MYH10: variants seen among roughly 807,000 people sequenced by gnomAD.
MYH10 encodes myosin heavy chain 10.
Under a neutral mutation model 257.8 loss-of-function variants are expected in MYH10, and 55 were observed. The observed-to-expected ratio is 0.21, with a 90% CI of 0.17 to 0.27. The LOEUF (loss-of-function observed/expected upper bound fraction) is 0.27. Ranked by LOEUF, MYH10 falls within the 10% of genes least tolerant of loss-of-function variation. MYH10 has a pLI of 1.00. For synonymous variants in MYH10, 854 were observed against 921.7 expected (o/e 0.93, Z 1.33); for missense variants, 1,631 against 2,500.6 (o/e 0.65, Z 7.42).
At chr17:8,629,282 A>T (rs2152117524) in intron 1 of MYH10, among the ~76,000 whole-genome samples, 1 of 152,310 alleles carries the variant, frequency 6.6e-6, no homozygotes, top group East Asian at 1.9e-4. Flanking sequence ...TATTCAGCGA[A>T]AACAGCAGTC....
At chr17:8,493,639 C>G (rs888763737) in intron 32 of MYH10, 94 bp downstream of exon 32, 5 of 1,411,884 alleles carry the variant, frequency 3.5e-6, no homozygotes, top group Non-Finnish European at 4.7e-6. Flanking sequence ...AATTAACTGT[C>G]CCAAATGGAG....
Position 8,545,596 on chromosome 17 carries a change from T to C in MYH10, c.1283A>G (p.Asp428Gly). 1 of 1,608,882 alleles carries C rather than the reference T, an allele frequency of 6.2e-7. No homozygotes were observed. Among genetic ancestry groups the C allele is most frequent in the Non-Finnish European group, 8.5e-7 (1 of 1,178,754 alleles). Reference sequence around the variant, plus strand: ...TTTTGCCAATGCTTCTACTGCAAAATCTGCCTGTAATTAAATCACAACAAC... The same window carrying C: ...TTTTGCCAATGCTTCTACTGCAAAACCTGCCTGTAATTAAATCACAACAAC... ...VQKAQTKEQA[D>G]FAVEALAKAT... is the part of the protein sequence containing the mutation. Residue 428 changes from aspartate to glycine, a missense_variant, in exon 13 of 43, where the codon GAT becomes GGT. By Grantham distance (94) the Asp-to-Gly change is moderately conservative. Coordinates refer to ENST00000360416, the MANE Select transcript of MYH10 (RefSeq NM_001256012.3). The surrounding 1 kb of genome is among the most constrained non-coding windows in gnomAD (Gnocchi z 4.7).
rs779735469 is a variant in MYH10 at position 8,546,624 on chromosome 17, T to A, written c.1198A>T (p.Met400Leu). ...GTCAGGATGGCCCGAGTAAACTCCA[T>A]CACATTCATCCCAAGAAGATGGCAG... is the stretch of plus-strand genomic sequence containing the variant. ...KLCHLLGMNV[M>L]EFTRAILTPR... The change falls in exon 12 of 43, where the codon ATG (methionine) becomes TTG (leucine). Residue 400 changes from methionine to leucine, a missense_variant. Met to Leu is a conservative substitution (Grantham distance 15, BLOSUM62 2). Around this residue, in one of 11 missense-constraint regions of MYH10, gnomAD observed 360 missense variants for 581.9 expected, o/e 0.62. Coordinates refer to ENST00000360416, the MANE Select transcript of MYH10 (RefSeq NM_001256012.3). The A allele has an allele frequency of 4.3e-6, 7 of 1,613,928 alleles. No individual in the cohort carries two copies. In the Admixed American group the frequency reaches 1.2e-4, roughly 27 times the overall value.
At chr17:8,600,255 T>C (rs2152069302) in intron 3 of MYH10, among the ~76,000 whole-genome samples, 1 of 152,274 alleles carries the variant, frequency 6.6e-6, no homozygotes, top group African/African-American at 2.4e-5. Flanking sequence ...AGGAAATGGG[T>C]AGAAGATGGC....
intron 2 of MYH10, among the ~76,000 whole-genome samples, chr17:8,618,801 C>A (rs1275274209): frequency 6.6e-6 from 1 of 152,176 alleles, no homozygotes; most frequent in Non-Finnish European, 1.5e-5. Flanking sequence ...TCTATCATAT[C>A]AGAAAGGTTT....
chr17:8,598,042 C>T (rs966315096), intron 3 of MYH10, among the ~76,000 whole-genome samples: 3 of 151,512 alleles, frequency 2.0e-5, no homozygotes, highest in Non-Finnish European at 2.9e-5. Flanking sequence ...GTGCAGTGGG[C>T]GTGATCTCAG....
chr17:8,592,970 T>A (rs537451765), intron 3 of MYH10, among the ~76,000 whole-genome samples: 2,641 of 121,952 alleles, frequency 0.022, 197 homozygotes, highest in Middle Eastern at 0.042. Flanking sequence ...TATATATATA[T>A]AAAAGATGAT....
intron 37 of MYH10, 159 bp from the exon 38 acceptor site, chr17:8,481,569 G>A (rs1913819981): frequency 1.6e-6 from 1 of 628,578 alleles, no homozygotes; most frequent in East Asian, 3.0e-5. Context: ...AAGAAAATCT[G>A]CTCGGTGCAG....
In MYH10 at chr17:8,504,983, C is replaced by T. The variant is rs77079911; in HGVS notation, c.3387-77G>A. On this transcript the variant is annotated intron_variant, in intron 27 of 42. Coordinates refer to ENST00000360416, the MANE Select transcript of MYH10 (RefSeq NM_001256012.3). This position sits in a 1 kb window ranked among gnomAD's most constrained non-coding sequence, Gnocchi z 5.6. ...CTGTTTCTCAGGCGAGCCCCAGCCC[C>T]TGAGCACCTCTCCACGAGACCCCAG... The T allele has an allele frequency of 3.3e-6, 4 of 1,224,584 alleles. No homozygotes were observed. Among genetic ancestry groups the T allele is most frequent in the Non-Finnish European group, 4.8e-6 (4 of 840,590 alleles). The allele number at this position is 1,224,584 out of a possible 1,614,324, so 75.9% of individuals were successfully genotyped here.
At chr17:8,493,547 T>C (rs945521351) in intron 32 of MYH10, among the ~76,000 whole-genome samples, 186 bp downstream of exon 32, 2 of 152,178 alleles carry the variant, frequency 1.3e-5, no homozygotes, top group African/African-American at 4.8e-5. Flanking sequence ...CCTAGGTCCT[T>C]ATTTTAAGGG....
chr17:8,578,905 C>T (rs796606569), intron 4 of MYH10, among the ~76,000 whole-genome samples: 44 of 152,168 alleles, frequency 2.9e-4, no homozygotes, highest in African/African-American at 8.4e-4. Context: ...ACCTTGCCAA[C>T]GAATAATCCT....
At chr17:8,529,340 C>T (rs2081950625) in intron 17 of MYH10, among the ~76,000 whole-genome samples, 2 of 152,216 alleles carry the variant, frequency 1.3e-5, no homozygotes, top group African/African-American at 4.8e-5. Context: ...CCTCAAAGAG[C>T]TCACAGCCTG....
intron 7 of MYH10, chr17:8,560,568 A>C (rs2151980548): frequency 2.5e-6 from 2 of 797,504 alleles, no homozygotes; most frequent in Non-Finnish European, 4.1e-6. Flanking sequence ...TTCCAAAAAC[A>C]GTGGAAAACT....
intron 30 of MYH10, among the ~76,000 whole-genome samples, chr17:8,496,785 G>A (rs1205896438): frequency 6.6e-6 from 1 of 152,178 alleles, no homozygotes; most frequent in Non-Finnish European, 1.5e-5. Context: ...GCTGGTGTGT[G>A]GGAACTTGAA....
At chr17:8,597,767 A>G (rs997692524) in intron 3 of MYH10, among the ~76,000 whole-genome samples, 2 of 115,926 alleles carry the variant, frequency 1.7e-5, no homozygotes, top group Non-Finnish European at 3.6e-5. Context: ...GGTGCCCGCC[A>G]CCAGGCCCGG....
chr17:8,479,033 G>GTACACAGTGATC (rs1913209741), intron 40 of MYH10, among the ~76,000 whole-genome samples: 1 of 152,206 alleles, frequency 6.6e-6, no homozygotes, highest in Non-Finnish European at 1.5e-5. Context: ...CACCCGGCCT[G>GTACACAGTGATC]TACACAGTGA....
chr17:8,529,672 G>T (rs1463501891), intron 17 of MYH10, among the ~76,000 whole-genome samples: 1 of 152,196 alleles, frequency 6.6e-6, no homozygotes, highest in Non-Finnish European at 1.5e-5. Context: ...AACTAGAGGT[G>T]ATGGCAGGAA....
chr17:8,581,643 G>C (rs528936755), intron 4 of MYH10, among the ~76,000 whole-genome samples: 12 of 152,288 alleles, frequency 7.9e-5, no homozygotes, highest in African/African-American at 2.9e-4. Flanking sequence ...CAAGAGGATA[G>C]ATTATGGGTC....
At chr17:8,594,431 C>T (rs939295269) in intron 3 of MYH10, among the ~76,000 whole-genome samples, 4 of 152,092 alleles carry the variant, frequency 2.6e-5, no homozygotes, top group African/African-American at 9.7e-5. Context: ...ATGGACAATA[C>T]CAAGGGCTAA....
Sources: allele counts gnomAD v4.1 joint callset (sites outside exome capture counted in the v4.1 genomes callset), GRCh38; gene constraint gnomAD v4.1.1; regional missense constraint gnomAD v4.1.1; non-coding constraint Gnocchi (gnomAD v3.1); transcripts MANE v1.5; gene names NCBI Gene and HGNC (gene_info 2026-07-23, HGNC 2026-07-21).